ANKS1B: variants seen among roughly 807,000 people sequenced by gnomAD.
The protein encoded by ANKS1B is ankyrin repeat and sterile alpha motif domain containing 1B.
In ANKS1B, 36 loss-of-function variants were observed where a neutral mutation model predicts 148.3. The observed-to-expected ratio is 0.24, with a 90% CI of 0.19 to 0.32. The LOEUF (loss-of-function observed/expected upper bound fraction) is 0.32, where lower values mean the gene tolerates loss of function less well. ANKS1B is among the 10% of genes least tolerant of loss of function. The pLI is 1.00. For missense variants in ANKS1B, 1,157 were observed against 1,542.6 expected (o/e 0.75, Z 4.19); for synonymous variants, 542 against 560.8 (o/e 0.97, Z 0.47).
intron 13 of ANKS1B, among the ~76,000 whole-genome samples, chr12:99,244,837 G>A (rs1492250): frequency 0.2 from 30,201 of 152,134 alleles, 3,242 homozygotes; most frequent in Middle Eastern, 0.3. Context: ...GGTGTGGAGA[G>A]CACGGCCACA....
At chr12:99,209,903 G>A (rs916120188) in intron 14 of ANKS1B, among the ~76,000 whole-genome samples, 48 of 152,034 alleles carry the variant, frequency 3.2e-4, no homozygotes, top group Admixed American at 3.1e-3. Flanking sequence ...AGAGATGTTA[G>A]CCCCAAGATA....
intron 12 of ANKS1B, chr12:99,343,812 A>G (rs1053551148): frequency 3.3e-5 from 5 of 151,972 alleles, no homozygotes; most frequent in South Asian, 2.1e-4. Flanking sequence ...TTATGCTCCA[A>G]TGAAATTACT....
At chr12:98,857,835 A>C (rs1026183194) in intron 17 of ANKS1B, among the ~76,000 whole-genome samples, 1 of 152,270 alleles carries the variant, frequency 6.6e-6, no homozygotes, top group African/African-American at 2.4e-5. Flanking sequence ...TTCAAAGCAC[A>C]GGAAGTTAAA....
chr12:99,113,172 C>T (rs1046500933), intron 15 of ANKS1B, among the ~76,000 whole-genome samples: 2 of 152,156 alleles, frequency 1.3e-5, no homozygotes, highest in Non-Finnish European at 2.9e-5. Flanking sequence ...AATTCTGCAT[C>T]TTCGTTTTTT....
chr12:99,173,672 C>T (rs2078048088), intron 14 of ANKS1B, among the ~76,000 whole-genome samples: 1 of 152,110 alleles, frequency 6.6e-6, no homozygotes, highest in African/African-American at 2.4e-5. Context: ...GACCCAAAGT[C>T]TGGGGGTAGA....
intron 17 of ANKS1B, among the ~76,000 whole-genome samples, chr12:98,998,893 T>C (rs1165805534): frequency 6.6e-6 from 1 of 152,250 alleles, no homozygotes; most frequent in Non-Finnish European, 1.5e-5. Flanking sequence ...AACCACCTAG[T>C]GGATTTTTCA....
chr12:99,339,944 TG>T (rs2089631394), intron 12 of ANKS1B, among the ~76,000 whole-genome samples: 1 of 152,202 alleles, frequency 6.6e-6, no homozygotes, highest in Admixed American at 6.5e-5. Context: ...GTCACTGAAA[TG>T]TTCTATCTTG....
In ANKS1B at chr12:99,551,945, C is replaced by G. The variant is rs150053742; in HGVS notation, c.1273-47304G>C. ...TCCAGATTTAAGGGCCACCTCCCCC[C>G]ACCACACACACACATCTGAAACACT... is the stretch of plus-strand genomic sequence containing the variant. On this transcript the variant is annotated intron_variant, in intron 9 of 26. Transcript: ENST00000683438. 1.0e-3 allele frequency among the ~76,000 whole-genome samples: 156 copies of G among 152,194 alleles called. 2 individuals carry two copies. Among genetic ancestry groups the G allele is most frequent in the Admixed American group, 8.3e-3 (127 of 15,284 alleles).
chr12:98,785,484 G>T (rs533596584), intron 22 of ANKS1B, among the ~76,000 whole-genome samples: 2 of 151,704 alleles, frequency 1.3e-5, no homozygotes, highest in Non-Finnish European at 2.9e-5. Context: ...AAAAGAAAAA[G>T]AAAAAGGAAA....
chr12:98,744,618 A>G lies in ANKS1B; in HGVS notation c.*1121T>C, dbSNP rs572967358. On this transcript the variant is annotated 3_prime_UTR_variant, in exon 27 of 27. Coordinates refer to ENST00000683438, the MANE Select transcript of ANKS1B (RefSeq NM_001352186.2). ...ATGTAAGTAAATTTTATTTAATCAA[A>G]TAGTAAGCAAACTTTTTTTTTGTTT... 7.6e-6 allele frequency: 6 copies of G among 792,886 alleles called. No individual in the cohort carries two copies. The African/African-American group carries it at 9.3e-5, about 12-fold the overall frequency. The allele number at this position is 792,886 out of a possible 1,614,324, so 49.1% of individuals were successfully genotyped here.
At chr12:99,664,539 A>G (rs1336054846) in intron 8 of ANKS1B, among the ~76,000 whole-genome samples, 2 of 152,180 alleles carry the variant, frequency 1.3e-5, no homozygotes, top group Non-Finnish European at 2.9e-5. Context: ...AGGGAAAAGG[A>G]GCAAGAAACT....
intron 9 of ANKS1B, among the ~76,000 whole-genome samples, chr12:99,509,467 G>T (rs2096742798): frequency 6.6e-6 from 1 of 151,884 alleles, no homozygotes; most frequent in South Asian, 2.1e-4. Flanking sequence ...CTGATATGGA[G>T]AAAGTTTCAG....
At chr12:98,967,890 A>T (rs1433312450) in intron 17 of ANKS1B, among the ~76,000 whole-genome samples, 5 of 151,974 alleles carry the variant, frequency 3.3e-5, no homozygotes, top group Non-Finnish European at 5.9e-5. Flanking sequence ...GGGAGTACTG[A>T]TTTATTTTCC....
chr12:99,821,849 C>T (rs143323621), intron 2 of ANKS1B, among the ~76,000 whole-genome samples: 2 of 151,888 alleles, frequency 1.3e-5, no homozygotes, highest in East Asian at 3.9e-4. Context: ...CCTGGTGACT[C>T]AGGTAAAAAA....
intron 15 of ANKS1B, among the ~76,000 whole-genome samples, chr12:99,144,813 A>T (rs1443368263): frequency 6.6e-6 from 1 of 152,038 alleles, no homozygotes; most frequent in Non-Finnish European, 1.5e-5. Context: ...GATTTGAAAC[A>T]CAAGGAGAAG....
At chr12:98,880,953 T>A (rs1267651966) in intron 17 of ANKS1B, among the ~76,000 whole-genome samples, 13 of 151,930 alleles carry the variant, frequency 8.6e-5, no homozygotes, top group Non-Finnish European at 1.9e-4. Context: ...CGAAAAAAAA[T>A]TTTGAATGGC....
At chr12:99,493,590 A>G (rs1172694759) in intron 10 of ANKS1B, among the ~76,000 whole-genome samples, 1 of 152,208 alleles carries the variant, frequency 6.6e-6, no homozygotes, top group Non-Finnish European at 1.5e-5. Flanking sequence ...TGTTTATTCC[A>G]GCTAAAAGTC....
intron 14 of ANKS1B, among the ~76,000 whole-genome samples, chr12:99,157,107 C>A (rs1831678221): frequency 6.6e-6 from 1 of 152,086 alleles, no homozygotes; most frequent in Admixed American, 6.6e-5. Flanking sequence ...GGTCCTGGAT[C>A]TTTTAATAAC....
At chr12:99,841,553 T>C (rs1173655925) in intron 1 of ANKS1B, among the ~76,000 whole-genome samples, 1 of 152,068 alleles carries the variant, frequency 6.6e-6, no homozygotes, top group East Asian at 1.9e-4. Context: ...TCCAGAATAA[T>C]TCAACCAACA....
Sources: gnomAD v4.1 joint callset for allele counts (sites outside exome capture counted in the v4.1 genomes callset) on GRCh38, gnomAD v4.1.1 for gene constraint, MANE v1.5 for transcripts, NCBI Gene and HGNC (gene_info 2026-07-23, HGNC 2026-07-21) for gene names.